The following DEPDC5 variants were observed in gnomAD, a reference collection of about 807,000 sequenced individuals.
The protein encoded by DEPDC5 is DEP domain containing 5, GATOR1 subcomplex subunit.
A neutral mutation model predicts 217.3 loss-of-function variants in DEPDC5; 73 were observed. The ratio of observed to expected loss-of-function variants is 0.34; its 90% CI spans 0.28 to 0.41. The LOEUF (loss-of-function observed/expected upper bound fraction) is 0.41. Ranked by LOEUF, DEPDC5 falls within the 10% of genes least tolerant of loss-of-function variation. The pLI is 1.00. For synonymous variants in DEPDC5, 733 were observed against 756.7 expected (o/e 0.97, Z 0.51); for missense variants, 1,675 against 2,070.1 (o/e 0.81, Z 3.70).
rs192965205 is a variant in DEPDC5 at position 31,788,370 on chromosome 22, C to G, written c.624+3495C>G. ...CTCACTGCAGCCTTGATCGCCTGGGCTCAAGCCATCCTCCCTCCTCAGCCT... is the reference window on the plus strand; with the variant it reads ...CTCACTGCAGCCTTGATCGCCTGGGGTCAAGCCATCCTCCCTCCTCAGCCT... On this transcript the variant is annotated intron_variant, in intron 10 of 42. Coordinates refer to ENST00000651528, the MANE Select transcript of DEPDC5 (RefSeq NM_001242896.3). 5.2e-3 allele frequency among the ~76,000 whole-genome samples: 762 copies of G among 146,570 alleles called. 8 individuals carry two copies. Among genetic ancestry groups the G allele is most frequent in the Admixed American group, 0.013 (192 of 14,230 alleles).
chr22:31,869,498 G>A (rs926774740), intron 33 of DEPDC5, among the ~76,000 whole-genome samples: 1 of 149,792 alleles, frequency 6.7e-6, no homozygotes, highest in Non-Finnish European at 1.5e-5. Context: ...CCAGGAGGCA[G>A]AGGTTGCAGT....
intron 21 of DEPDC5, 58 bp downstream of exon 21, chr22:31,815,270 C>G (rs1237708622): frequency 6.3e-7 from 1 of 1,586,800 alleles, no homozygotes; most frequent in Non-Finnish European, 8.6e-7. Context: ...TAGTGGGTGA[C>G]TGGAGGTGGG....
intron 12 of DEPDC5, 57 bp from the exon 13 acceptor site, chr22:31,797,543 A>T (rs1404507050): frequency 6.9e-6 from 10 of 1,449,634 alleles, no homozygotes; most frequent in Non-Finnish European, 1.9e-6. Flanking sequence ...GGGAGGGGAC[A>T]CAGAGCCAAA....
At chr22:31,830,113 G>A (rs1274095076) in intron 24 of DEPDC5, among the ~76,000 whole-genome samples, 1 of 152,200 alleles carries the variant, frequency 6.6e-6, no homozygotes, top group Non-Finnish European at 1.5e-5. Context: ...TTTTTTTTAT[G>A]GGTAAGTGCT....
intron 37 of DEPDC5, among the ~76,000 whole-genome samples, chr22:31,879,226 A>G (rs535170543): frequency 1.6e-4 from 25 of 151,850 alleles, no homozygotes; most frequent in Non-Finnish European, 3.1e-4. Context: ...ACAGTGTTGT[A>G]CAACTATCAT....
At chr22:31,781,811 G>C (rs2084477238) in intron 8 of DEPDC5, among the ~76,000 whole-genome samples, 2 of 152,148 alleles carry the variant, frequency 1.3e-5, no homozygotes, top group Non-Finnish European at 2.9e-5. Context: ...AGGTGGGGGG[G>C]ATTGCTTGAG....
At chr22:31,754,768 GA>G in intron 1 of DEPDC5, 93 bp from the exon 2 acceptor site, 1 of 778,544 alleles carries the variant, frequency 1.3e-6, no homozygotes, top group South Asian at 1.7e-5. Context: ...CTTCACAGCA[GA>G]GGAACACCAG....
intron 24 of DEPDC5, among the ~76,000 whole-genome samples, chr22:31,823,567 C>T (rs1024896450): frequency 1.3e-5 from 2 of 149,812 alleles, no homozygotes; most frequent in African/African-American, 2.5e-5. Flanking sequence ...GAAGTGAGCA[C>T]GCACCAAAGA....
chr22:31,904,120 A>T (rs953334550), intron 41 of DEPDC5, among the ~76,000 whole-genome samples: 3 of 149,110 alleles, frequency 2.0e-5, no homozygotes, highest in Admixed American at 6.6e-5. Flanking sequence ...GCTGTGACCT[A>T]CAGCTCCTCC....
chr22:31,834,040 A>C, intron 25 of DEPDC5, 60 bp downstream of exon 25: 1 of 1,542,726 alleles, frequency 6.5e-7, no homozygotes. Context: ...TGGTCAGAGC[A>C]TGAGGAAACA....
chr22:31,863,422 C>T (rs2092582464), intron 33 of DEPDC5, among the ~76,000 whole-genome samples: 1 of 152,232 alleles, frequency 6.6e-6, no homozygotes. Context: ...CCACCTTGGC[C>T]TCTGAAAGTG....
chr22:31,837,090 C>T lies in DEPDC5; in HGVS notation c.2289C>T (p.Arg763=). ...TTACCACCGACTACTTCCCTGACCGCCAGGGCCTGCAGAATGACTACACAG... is the reference window on the plus strand; with the variant it reads ...TTACCACCGACTACTTCCCTGACCGTCAGGGCCTGCAGAATGACTACACAG... ...LPLTTDYFPD[R]QGLQNDYTEG... Residue 763 remains arginine (R), a synonymous_variant, in exon 26 of 43, where the codon CGC becomes CGT. Transcript: ENST00000651528. 1 of 1,614,182 alleles carries T rather than the reference C, an allele frequency of 6.2e-7. No individual in the cohort carries two copies. The highest frequency in any genetic ancestry group is 1.3e-5 in the African/African-American group (1 of 75,036).
chr22:31,890,796 G>T (rs1328852341), intron 38 of DEPDC5, among the ~76,000 whole-genome samples: 1 of 151,086 alleles, frequency 6.6e-6, no homozygotes, highest in Non-Finnish European at 1.5e-5. Flanking sequence ...TGCGATCTCG[G>T]CTCACTGCAA....
chr22:31,863,510 C>T (rs1041276720), intron 33 of DEPDC5, among the ~76,000 whole-genome samples: 6 of 152,070 alleles, frequency 3.9e-5, no homozygotes, highest in African/African-American at 1.4e-4. Context: ...AAGTTTTAGA[C>T]TCAGGAGAGG....
intron 37 of DEPDC5, among the ~76,000 whole-genome samples, chr22:31,877,771 A>AAAAC (rs1569180610): frequency 1.3e-5 from 2 of 148,238 alleles, no homozygotes; most frequent in African/African-American, 5.0e-5. Context: ...AAAAAAAAAA[A>AAAAC]AAACAGCAAA....
intron 38 of DEPDC5, 124 bp from the exon 39 acceptor site, chr22:31,893,458 T>C: frequency 1.1e-6 from 1 of 919,930 alleles, no homozygotes; most frequent in Non-Finnish European, 1.5e-6. Context: ...AGGAAACTTC[T>C]GGAATCTGCA....
chr22:31,852,241 A>G (rs2092064368), intron 31 of DEPDC5, among the ~76,000 whole-genome samples: 1 of 152,120 alleles, frequency 6.6e-6, no homozygotes, highest in African/African-American at 2.4e-5. Context: ...ATTCCTGCTT[A>G]CCCATCATCA....
intron 41 of DEPDC5, among the ~76,000 whole-genome samples, chr22:31,904,530 G>T (rs900182669): frequency 1.3e-5 from 2 of 152,174 alleles, no homozygotes; most frequent in African/African-American, 4.8e-5. Context: ...ATCACCTGAG[G>T]TCAGCAGTTC....
At chr22:31,893,882 G>A (rs976991989) in intron 39 of DEPDC5, 131 bp downstream of exon 39, 6 of 1,064,894 alleles carry the variant, frequency 5.6e-6, no homozygotes, top group African/African-American at 5.0e-5. Flanking sequence ...GACTATTGGA[G>A]TAACCTTTTT....
Sources: gnomAD v4.1 joint callset for allele counts (sites outside exome capture counted in the v4.1 genomes callset) on GRCh38, gnomAD v4.1.1 for gene constraint, MANE v1.5 for transcripts, NCBI Gene and HGNC (gene_info 2026-07-23, HGNC 2026-07-21) for gene names.